The following PLEKHG3 variants were observed in gnomAD, a reference collection of about 807,000 sequenced individuals.
PLEKHG3 encodes pleckstrin homology domain-containing family G member 3.
In PLEKHG3, 62 loss-of-function variants were observed where a neutral mutation model predicts 94.9. That is an observed-to-expected ratio of 0.65 (90% CI 0.53 to 0.81). The LOEUF (loss-of-function observed/expected upper bound fraction) is 0.81. PLEKHG3 is among the 30% of genes least tolerant of loss of function. The pLI is 0.00. For synonymous variants in PLEKHG3, 614 were observed against 654.0 expected, an observed-to-expected ratio of 0.94 and a Z score of 0.93; for missense variants, 1,461 against 1,619.3, an observed-to-expected ratio of 0.90 and a Z score of 1.68.
chr14:64,727,520 C>CT lies in PLEKHG3; in HGVS notation c.-39-72dup. On this transcript the variant is annotated intron_variant, in intron 1 of 16. Transcript: ENST00000247226. This position sits in a 1 kb window ranked among gnomAD's most constrained non-coding sequence, Gnocchi z 6.0. The stretch of plus-strand genomic sequence containing the variant: ...CTTCCCACCCCACCTGCCCCCACCC[C>CT]TGGCAACCGTCCCTCTGTTCTGTTT... 2 of 570,828 alleles carry CT rather than the reference C, an allele frequency of 3.5e-6. No homozygotes were observed. Among genetic ancestry groups the CT allele is most frequent in the Non-Finnish European group, 3.2e-6 (1 of 312,314 alleles). 35.4% of individuals were successfully genotyped at this position (570,828 alleles called of 1,614,324 possible). A position where few individuals can be genotyped will look rare whatever the true frequency, so the allele number is the denominator to read the frequency against.
At position 64,745,374 on chromosome 14, in the gene PLEKHG3, T is replaced by C. The variant is rs1305429078; in HGVS notation, c.*1671T>C. ...ACAAGTGTTCAGCAGGGCTGCTGGG[T>C]CAGGGCCCTGTGGGCCTTCTGACCC... On this transcript the variant is annotated 3_prime_UTR_variant, in exon 17 of 17. Coordinates refer to ENST00000247226, the MANE Select transcript of PLEKHG3 (RefSeq NM_001308147.2). This position sits in a 1 kb window ranked among gnomAD's most constrained non-coding sequence, Gnocchi z 5.0. 2.0e-5 allele frequency: 3 copies of C among 152,158 alleles called. No homozygotes were observed. The highest frequency in any genetic ancestry group is 2.0e-4 in the Admixed American group (3 of 15,274). 9.4% of individuals were successfully genotyped at this position (152,158 alleles called of 1,614,324 possible).
intron 1 of PLEKHG3, among the ~76,000 whole-genome samples, chr14:64,724,649 G>A (rs555016063): frequency 1.2e-4 from 18 of 152,324 alleles, no homozygotes; most frequent in African/African-American, 2.6e-4. Context: ...CAGTCCTTCC[G>A]AGTGTCATGT....
intron 12 of PLEKHG3, among the ~76,000 whole-genome samples, chr14:64,734,864 GCACGCGT>G (rs2081541509): frequency 6.6e-6 from 1 of 151,712 alleles, no homozygotes; most frequent in Non-Finnish European, 1.5e-5. Context: ...GGGATTACAG[GCACGCGT>G]CACCACGCCC....
intron 12 of PLEKHG3, among the ~76,000 whole-genome samples, chr14:64,735,104 T>C (rs2081545886): frequency 6.6e-6 from 1 of 152,156 alleles, no homozygotes. Flanking sequence ...GTTGAACCTT[T>C]CCTTTTCTGG....
Position 64,743,728 on chromosome 14 carries a change from G to A in PLEKHG3, c.*25G>A, listed in dbSNP as rs1470812297. The stretch of plus-strand genomic sequence containing the variant: ...ATGCTGACTCCTGGGGGAGGGAGGA[G>A]TCATGTTGGAGGTTGGGGAAGAACC... On this transcript the variant is annotated 3_prime_UTR_variant, in exon 17 of 17. Transcript: ENST00000247226. This position sits in a 1 kb window ranked among gnomAD's most constrained non-coding sequence, Gnocchi z 7.2. 1 of 1,514,840 alleles carries A rather than the reference G, an allele frequency of 6.6e-7. No individual in the cohort carries two copies. Among genetic ancestry groups the A allele is most frequent in the Non-Finnish European group, 8.8e-7 (1 of 1,136,106 alleles). The allele number at this position is 1,514,840 out of a possible 1,614,324, so 93.8% of individuals were successfully genotyped here. A position where few individuals can be genotyped will look rare whatever the true frequency, so the allele number is the denominator to read the frequency against.
chr14:64,737,054 C>G, intron 13 of PLEKHG3, 163 bp downstream of exon 13: 3 of 701,054 alleles, frequency 4.3e-6, no homozygotes. Context: ...TCGCCCCTGG[C>G]TGGCTGAGGA....
rs878934482 is a variant in PLEKHG3, at chr14:64,732,632, C to T, written c.1247-171C>T. On this transcript the variant is annotated intron_variant, in intron 11 of 16. Transcript: ENST00000247226. This position sits in a 1 kb window ranked among gnomAD's most constrained non-coding sequence, Gnocchi z 4.9. ...TGATTAAGGATGCTCTCCTGCTGAGCGGTGGGACTCTCAGTGCCTGAAGCT... is the reference window on the plus strand; with the variant it reads ...TGATTAAGGATGCTCTCCTGCTGAGTGGTGGGACTCTCAGTGCCTGAAGCT... Among the ~76,000 whole-genome samples, 8 of 151,618 alleles carry T rather than the reference C, an allele frequency of 5.3e-5. No individual in the cohort carries two copies. Among genetic ancestry groups the T allele is most frequent in the Non-Finnish European group, 1.0e-4 (7 of 68,004 alleles).
Position 64,743,046 on chromosome 14 carries a change from T to A in PLEKHG3, c.3003T>A (p.Pro1001=), listed in dbSNP as rs553261726. ...YEQLMAQEHS[P]PKPSSAGEMS... is the part of the protein sequence containing the mutation. ...AGCTGATGGCCCAGGAGCACAGCCC[T>A]CCCAAGCCCTCCTCGGCTGGGGAGA... is the stretch of plus-strand genomic sequence containing the variant. The change falls in exon 17 of 17, where the codon CCT becomes CCA. Residue 1001 remains proline (P), a synonymous_variant. Coordinates refer to ENST00000247226, the MANE Select transcript of PLEKHG3 (RefSeq NM_001308147.2). This position sits in a 1 kb window ranked among gnomAD's most constrained non-coding sequence, Gnocchi z 7.2. The A allele has an allele frequency of 8.7e-6, 14 of 1,613,326 alleles. No individual in the cohort carries two copies. The Admixed American group carries it at 1.7e-4, about 19-fold the overall frequency.
Position 64,743,305 on chromosome 14 carries a change from G to A in PLEKHG3, c.3262G>A (p.Glu1088Lys). The A allele has an allele frequency of 6.2e-7, 1 of 1,608,368 alleles. No individual in the cohort carries two copies. Among genetic ancestry groups the A allele is most frequent in the Non-Finnish European group, 8.5e-7 (1 of 1,178,826 alleles). The change falls in exon 17 of 17, where the codon GAG becomes AAG. Residue 1088 changes from glutamate to lysine, a missense_variant. Glu to Lys is a moderately conservative substitution (Grantham distance 56). Transcript: ENST00000247226. The surrounding 1 kb of genome is among the most constrained non-coding windows in gnomAD (Gnocchi z 7.2). The stretch of plus-strand genomic sequence containing the variant: ...CCACTCGGTGCCGGAGAACATGGTA[G>A]AGCCACCTCTGTCGGGCAGGGTGGG... The part of the protein sequence containing the change: ...RSHSVPENMV[E>K]PPLSGRVGRC...
At chr14:64,735,396 G>A (rs528316087) in intron 12 of PLEKHG3, among the ~76,000 whole-genome samples, 1 of 152,286 alleles carries the variant, frequency 6.6e-6, no homozygotes, top group African/African-American at 2.4e-5. Context: ...AGGATCACTT[G>A]AGTCCAGGAG....
Position 64,749,377 on chromosome 14 carries a change from A to C in PLEKHG3, c.*5674A>C, listed in dbSNP as rs758529551. The C allele has an allele frequency of 1.9e-6, 3 of 1,610,252 alleles. No individual in the cohort carries two copies. In the South Asian group the frequency reaches 3.3e-5, roughly 18 times the overall value. On this transcript the variant is annotated 3_prime_UTR_variant, in exon 17 of 17. Coordinates refer to ENST00000247226, the MANE Select transcript of PLEKHG3 (RefSeq NM_001308147.2). This position sits in a 1 kb window ranked among gnomAD's most constrained non-coding sequence, Gnocchi z 4.7. Reference sequence around the variant, plus strand: ...TTGCCGAGGCTGGCGTCGGGGCCGGAGAGGGAAGGCAGGGGCAGGCTCTGC... The same window carrying C: ...TTGCCGAGGCTGGCGTCGGGGCCGGCGAGGGAAGGCAGGGGCAGGCTCTGC...
In PLEKHG3 at chr14:64,716,122, G is replaced by T. The variant is rs2081140449; in HGVS notation, c.-40+11418G>T. The stretch of plus-strand genomic sequence containing the variant: ...GTACCCGGCTGGGGCCAGGCCAGGG[G>T]ATGGGAATGGGGTGGGATGGGGACT... On this transcript the variant is annotated intron_variant, in intron 1 of 16. Transcript: ENST00000247226. This position sits in a 1 kb window ranked among gnomAD's most constrained non-coding sequence, Gnocchi z 5.0. 2.2e-6 allele frequency: 1 copy of T among 453,578 alleles called. No homozygotes were observed. Among genetic ancestry groups the T allele is most frequent in the Non-Finnish European group, 4.4e-6 (1 of 225,096 alleles). 28.1% of individuals were successfully genotyped at this position (453,578 alleles called of 1,614,324 possible).
In PLEKHG3 at chr14:64,715,827, A is replaced by G. The variant is rs2081130784; in HGVS notation, c.-40+11123A>G. Reference sequence around the variant, plus strand: ...CTGCAGAATTGTGTCGGGAAGTTGCATTTCCTGGGCTAGGGCCCCCCAGCA... The same window carrying G: ...CTGCAGAATTGTGTCGGGAAGTTGCGTTTCCTGGGCTAGGGCCCCCCAGCA... On this transcript the variant is annotated intron_variant, in intron 1 of 16. Coordinates refer to ENST00000247226, the MANE Select transcript of PLEKHG3 (RefSeq NM_001308147.2). This position sits in a 1 kb window ranked among gnomAD's most constrained non-coding sequence, Gnocchi z 4.4. 2.9e-6 allele frequency: 1 copy of G among 341,972 alleles called. No homozygotes were observed. Among genetic ancestry groups the G allele is most frequent in the Non-Finnish European group, 5.8e-6 (1 of 172,930 alleles). The allele number at this position is 341,972 out of a possible 1,614,324, so 21.2% of individuals were successfully genotyped here. A position where few individuals can be genotyped will look rare whatever the true frequency, so the allele number is the denominator to read the frequency against.
At chr14:64,714,228 C>T (rs1398768091) in intron 1 of PLEKHG3, among the ~76,000 whole-genome samples, 1 of 152,086 alleles carries the variant, frequency 6.6e-6, no homozygotes, top group African/African-American at 2.4e-5. Context: ...GTTTTGGAAG[C>T]GTGCACTTAT....
rs2081125427 is a variant in PLEKHG3, at chr14:64,715,467, G to A, written c.-40+10763G>A. Among the ~76,000 whole-genome samples, 4 of 152,174 alleles carry A rather than the reference G, an allele frequency of 2.6e-5. No individual in the cohort carries two copies. Among genetic ancestry groups the A allele is most frequent in the Admixed American group, 2.6e-4 (4 of 15,286 alleles). On this transcript the variant is annotated intron_variant, in intron 1 of 16. Coordinates refer to ENST00000247226, the MANE Select transcript of PLEKHG3 (RefSeq NM_001308147.2). The surrounding 1 kb of genome is among the most constrained non-coding windows in gnomAD (Gnocchi z 4.4). Reference sequence around the variant, plus strand: ...TGGTATACTCGAATAAATGCTAGCTGAGGTTATTTCAGCCAGGCATTTGGA... The same window carrying A: ...TGGTATACTCGAATAAATGCTAGCTAAGGTTATTTCAGCCAGGCATTTGGA...
intron 1 of PLEKHG3, among the ~76,000 whole-genome samples, chr14:64,710,240 C>G (rs2081046641): frequency 1.3e-5 from 2 of 152,212 alleles, no homozygotes; most frequent in Non-Finnish European, 2.9e-5. Flanking sequence ...AGCACCCTTG[C>G]TTATTTGCAT....
At chr14:64,724,946 T>C (rs147572550) in intron 1 of PLEKHG3, among the ~76,000 whole-genome samples, 2,276 of 152,326 alleles carry the variant, frequency 0.015, 59 homozygotes, top group African/African-American at 0.052. Flanking sequence ...GGCACTTTAA[T>C]ATATACAGAG....
intron 1 of PLEKHG3, among the ~76,000 whole-genome samples, chr14:64,724,840 G>C (rs1057137077): frequency 6.6e-5 from 10 of 152,190 alleles, no homozygotes; most frequent in African/African-American, 2.4e-4. Flanking sequence ...TTCAAGTCCA[G>C]GCTCTACCAC....
chr14:64,727,626 G>A lies in PLEKHG3; in HGVS notation c.-6G>A. On this transcript the variant is annotated 5_prime_UTR_variant, in exon 2 of 17. The change abolishes an upstream ATG in the 5' untranslated region. Transcript: ENST00000247226. The surrounding 1 kb of genome is among the most constrained non-coding windows in gnomAD (Gnocchi z 6.0). Reference sequence around the variant, plus strand: ...TGGGGTGCCCTCCCCAGGCAGCAATGCCAGGATGCCTGTGTCCACCTCCCT... The same window carrying A: ...TGGGGTGCCCTCCCCAGGCAGCAATACCAGGATGCCTGTGTCCACCTCCCT... 6.3e-7 allele frequency: 1 copy of A among 1,593,760 alleles called. No individual in the cohort carries two copies.
Sources: allele counts gnomAD v4.1 joint callset (sites outside exome capture counted in the v4.1 genomes callset), GRCh38; gene constraint gnomAD v4.1.1; non-coding constraint Gnocchi (gnomAD v3.1); transcripts MANE v1.5; gene names NCBI Gene and HGNC (gene_info 2026-07-23, HGNC 2026-07-21).